The following PPP1R9A variants were observed in gnomAD, a reference collection of about 807,000 sequenced individuals.
PPP1R9A encodes protein phosphatase 1 regulatory subunit 9A, also known as neurabin-1.
Under a neutral mutation model 141.9 loss-of-function variants are expected in PPP1R9A, and 59 were observed. That is an observed-to-expected ratio of 0.42 (90% CI 0.34 to 0.52). The LOEUF (loss-of-function observed/expected upper bound fraction) is 0.52. Ranked by LOEUF, PPP1R9A falls within the 20% of genes least tolerant of loss-of-function variation. The pLI, the probability that PPP1R9A is intolerant of heterozygous loss-of-function variation, is 0.10. For synonymous variants in PPP1R9A, 500 were observed against 569.7 expected (o/e 0.88, Z 1.74); for missense variants, 1,444 against 1,611.9 (o/e 0.90, Z 1.78).
intron 6 of PPP1R9A, among the ~76,000 whole-genome samples, chr7:95,201,196 C>T (rs1789494412): frequency 6.6e-6 from 1 of 151,794 alleles, no homozygotes; most frequent in Non-Finnish European, 1.5e-5. Context: ...TAATTGAGTA[C>T]TCAAATTTTT....
chr7:94,955,522 G>T (rs1258122941), intron 2 of PPP1R9A, among the ~76,000 whole-genome samples: 5 of 151,460 alleles, frequency 3.3e-5, no homozygotes, highest in African/African-American at 1.2e-4. Flanking sequence ...TGCTCTAATT[G>T]CTGTTCTGTT....
At chr7:94,955,068 T>G (rs181702301) in intron 2 of PPP1R9A, among the ~76,000 whole-genome samples, 7 of 152,152 alleles carry the variant, frequency 4.6e-5, no homozygotes, top group African/African-American at 1.7e-4. Context: ...ACAATTATTA[T>G]TTATTTTCAT....
intron 12 of PPP1R9A, among the ~76,000 whole-genome samples, chr7:95,253,037 T>A (rs1799109164): frequency 6.6e-6 from 1 of 152,210 alleles, no homozygotes; most frequent in Admixed American, 6.5e-5. Context: ...CACACAACAT[T>A]CTTAGATTGC....
In PPP1R9A at chr7:94,911,002, A is replaced by C. The variant is rs761832921; in HGVS notation, c.889A>C (p.Ile297Leu). ...TSLASIPGEE[I>L]QQSKEPEDST... ...TCTAGCTTCGATACCTGGTGAAGAG[A>C]TCCAGCAGAGCAAGGAACCCGAGGA... Residue 297 changes from isoleucine (I) to leucine (L), a missense_variant, in exon 2 of 20, where the codon ATC becomes CTC. Ile to Leu is a conservative substitution (Grantham distance 5). This residue lies in a region of PPP1R9A where 490 missense variants were observed against 521.1 expected (regional missense o/e 0.94). Coordinates refer to ENST00000433360, the MANE Select transcript of PPP1R9A (RefSeq NM_001166160.2). 22 of 1,613,982 alleles carry C rather than the reference A, an allele frequency of 1.4e-5. No homozygotes were observed. The highest frequency in any genetic ancestry group is 1.8e-5 in the Non-Finnish European group (21 of 1,180,022).
chr7:95,095,939 CTCCTGACCTTTACAGAAATTAAAAT>C (rs1348620010), intron 2 of PPP1R9A, among the ~76,000 whole-genome samples: 3 of 152,120 alleles, frequency 2.0e-5, no homozygotes, highest in Non-Finnish European at 4.4e-5. Context: ...GCATATTTTA[CTCCTGACCTTTACAGAAATTAAAAT>C]TTTTGGTTGT....
chr7:95,073,403 A>G (rs1814296745), intron 2 of PPP1R9A, among the ~76,000 whole-genome samples: 1 of 152,152 alleles, frequency 6.6e-6, no homozygotes, highest in Non-Finnish European at 1.5e-5. Flanking sequence ...TGACTCTGGT[A>G]TAGTTGTTTT....
intron 2 of PPP1R9A, among the ~76,000 whole-genome samples, chr7:95,038,622 C>A (rs1563153285): frequency 6.6e-6 from 1 of 152,074 alleles, no homozygotes; most frequent in African/African-American, 2.4e-5. Flanking sequence ...ACTGCCTGGG[C>A]CCTGTAGCCT....
At chr7:95,188,160 G>A (rs1350750828) in intron 5 of PPP1R9A, among the ~76,000 whole-genome samples, 4 of 152,026 alleles carry the variant, frequency 2.6e-5, no homozygotes, top group Non-Finnish European at 5.9e-5. Context: ...AAATTTAGGA[G>A]TGCTGCGTTA....
chr7:95,052,646 TAA>T (rs1243787502), intron 2 of PPP1R9A, among the ~76,000 whole-genome samples: 5 of 152,322 alleles, frequency 3.3e-5, no homozygotes, highest in African/African-American at 1.2e-4. Context: ...TTTATAATGT[TAA>T]GTCATTAAAT....
At chr7:95,109,339 G>A (rs1045740974) in intron 2 of PPP1R9A, among the ~76,000 whole-genome samples, 1 of 152,138 alleles carries the variant, frequency 6.6e-6, no homozygotes, top group Non-Finnish European at 1.5e-5. Flanking sequence ...TTATTTTGTA[G>A]GTGCTTATTT....
intron 2 of PPP1R9A, among the ~76,000 whole-genome samples, chr7:94,987,822 C>T (rs1801034703): frequency 6.6e-6 from 1 of 152,004 alleles, no homozygotes. Flanking sequence ...TGTTTTTTCT[C>T]AATTCCTCCT....
chr7:94,975,548 T>G (rs1334151389), intron 2 of PPP1R9A, among the ~76,000 whole-genome samples: 1 of 152,068 alleles, frequency 6.6e-6, no homozygotes, highest in Non-Finnish European at 1.5e-5. Flanking sequence ...GAGCTAGTTG[T>G]GTTTCAGAAG....
chr7:95,137,687 GTTGTTC>G (rs1447565084), intron 4 of PPP1R9A, among the ~76,000 whole-genome samples: 9 of 152,028 alleles, frequency 5.9e-5, no homozygotes, highest in African/African-American at 1.9e-4. Context: ...CAGGTTTTTT[GTTGTTC>G]TTGTTGTTTT....
At chr7:94,912,810 A>G (rs902503641) in intron 2 of PPP1R9A, among the ~76,000 whole-genome samples, 1 of 152,162 alleles carries the variant, frequency 6.6e-6, no homozygotes, top group Non-Finnish European at 1.5e-5. Flanking sequence ...TTTAAAATAA[A>G]CTACAGATGT....
chr7:95,075,203 T>G (rs1016234628), intron 2 of PPP1R9A, among the ~76,000 whole-genome samples: 3 of 152,212 alleles, frequency 2.0e-5, no homozygotes, highest in African/African-American at 7.2e-5. Flanking sequence ...TATTTGTTAT[T>G]TTGTTATTGC....
intron 4 of PPP1R9A, among the ~76,000 whole-genome samples, chr7:95,159,515 T>C (rs753921928): frequency 3.3e-5 from 5 of 152,292 alleles, no homozygotes; most frequent in African/African-American, 4.8e-5. Context: ...GCTATACCTG[T>C]CAACCCATCA....
chr7:95,045,487 CT>C (rs968117683), intron 2 of PPP1R9A, among the ~76,000 whole-genome samples: 3 of 152,326 alleles, frequency 2.0e-5, no homozygotes, highest in African/African-American at 7.2e-5. Flanking sequence ...TGTACACATG[CT>C]CACTTGAGGC....
At chr7:95,007,204 A>G (rs928337484) in intron 2 of PPP1R9A, among the ~76,000 whole-genome samples, 2 of 152,166 alleles carry the variant, frequency 1.3e-5, no homozygotes, top group Non-Finnish European at 2.9e-5. Flanking sequence ...TAGGTGCCTC[A>G]TTGGAGTACA....
chr7:95,150,099 A>G (rs1193680623), intron 4 of PPP1R9A, among the ~76,000 whole-genome samples: 2 of 151,768 alleles, frequency 1.3e-5, no homozygotes, highest in African/African-American at 4.8e-5. Flanking sequence ...GCAATACATT[A>G]GAGAAAATAC....
Sources: allele counts gnomAD v4.1 joint callset (sites outside exome capture counted in the v4.1 genomes callset), GRCh38; gene constraint gnomAD v4.1.1; regional missense constraint gnomAD v4.1.1; transcripts MANE v1.5; gene names NCBI Gene and HGNC (gene_info 2026-07-23, HGNC 2026-07-21).